CTNND2: variants seen among roughly 807,000 people sequenced by gnomAD.
The protein encoded by CTNND2 is catenin delta 2.
A neutral mutation model predicts 144.4 loss-of-function variants in CTNND2; 22 were observed. The observed-to-expected ratio is 0.15, with a 90% CI of 0.11 to 0.22. The LOEUF (loss-of-function observed/expected upper bound fraction) is 0.22. Among genes scored for constraint, CTNND2 ranks in the 10% least tolerant of loss-of-function variants. CTNND2 has a pLI of 1.00. For synonymous variants in CTNND2, 751 were observed against 695.6 expected (o/e 1.08, Z -1.25); for missense variants, 1,353 against 1,618.8 (o/e 0.84, Z 2.82).
chr5:11,100,681 T>A (rs1195734159), intron 14 of CTNND2, among the ~76,000 whole-genome samples: 1 of 152,140 alleles, frequency 6.6e-6, no homozygotes, highest in Admixed American at 6.5e-5. Flanking sequence ...TTATATCTTG[T>A]CTCCTTAAAA....
chr5:11,086,618 A>T (rs1750174639), intron 15 of CTNND2, among the ~76,000 whole-genome samples: 1 of 152,224 alleles, frequency 6.6e-6, no homozygotes. Context: ...AGATACTTGC[A>T]CACAAGTTTG....
chr5:11,710,413 G>A (rs1005043049), intron 2 of CTNND2, among the ~76,000 whole-genome samples: 13 of 151,898 alleles, frequency 8.6e-5, no homozygotes, highest in African/African-American at 1.2e-4. Context: ...GGTGGCGTGC[G>A]CCTGTAGTCC....
At chr5:11,018,084 A>G in intron 17 of CTNND2, 26 bp from the exon 18 acceptor site, 1 of 1,509,724 alleles carries the variant, frequency 6.6e-7, no homozygotes, top group Non-Finnish European at 9.2e-7. Context: ...CAGGAAAGGC[A>G]AGATGTGAGT....
intron 16 of CTNND2, among the ~76,000 whole-genome samples, chr5:11,026,658 A>G (rs191457942): frequency 3.9e-5 from 6 of 152,098 alleles, no homozygotes; most frequent in Non-Finnish European, 8.8e-5. Context: ...TGCACAGCTG[A>G]CTCTACCTTC....
intron 14 of CTNND2, 26 bp downstream of exon 14, chr5:11,110,832 A>T: frequency 6.2e-7 from 1 of 1,600,362 alleles, no homozygotes; most frequent in Non-Finnish European, 8.5e-7. Flanking sequence ...GGATAATTGC[A>T]TGCAGCTGCA....
chr5:11,235,888 C>T (rs1033978928), intron 10 of CTNND2, among the ~76,000 whole-genome samples: 1 of 152,186 alleles, frequency 6.6e-6, no homozygotes, highest in Admixed American at 6.5e-5. Flanking sequence ...TCTCTTTCCA[C>T]TCTTAAACTA....
intron 2 of CTNND2, among the ~76,000 whole-genome samples, chr5:11,646,101 TTTC>T (rs1782332719): frequency 6.6e-6 from 1 of 152,176 alleles, no homozygotes; most frequent in Admixed American, 6.5e-5. Context: ...TCTGTCCTTT[TTTC>T]TTCTTCTGCT....
chr5:11,540,074 CATTA>C (rs201112577), intron 3 of CTNND2, among the ~76,000 whole-genome samples: 8 of 152,048 alleles, frequency 5.3e-5, no homozygotes, highest in South Asian at 2.1e-4. Flanking sequence ...CGTATAAATA[CATTA>C]ATTAATTAAT....
intron 1 of CTNND2, among the ~76,000 whole-genome samples, chr5:11,819,465 CTTT>C (rs1264815372): frequency 6.6e-6 from 1 of 150,548 alleles, no homozygotes; most frequent in Non-Finnish European, 1.5e-5. Flanking sequence ...AGACAGACCT[CTTT>C]TTATTTTCTT....
intron 2 of CTNND2, among the ~76,000 whole-genome samples, chr5:11,638,942 T>C (rs1456558609): frequency 2.0e-5 from 3 of 152,142 alleles, no homozygotes; most frequent in African/African-American, 7.2e-5. Context: ...CCATGATCTG[T>C]GACAATTTAA....
At chr5:11,184,614 A>C (rs1735431678) in intron 11 of CTNND2, among the ~76,000 whole-genome samples, 1 of 152,182 alleles carries the variant, frequency 6.6e-6, no homozygotes, top group Non-Finnish European at 1.5e-5. Flanking sequence ...TTGCCTGAAA[A>C]TATGTCCTAA....
At chr5:11,418,211 A>C (rs948347549) in intron 3 of CTNND2, among the ~76,000 whole-genome samples, 1 of 152,076 alleles carries the variant, frequency 6.6e-6, no homozygotes, top group East Asian at 1.9e-4. Context: ...GTTCGAGGCC[A>C]GCCTTACCAT....
chr5:11,872,725 G>A (rs1162153488), intron 1 of CTNND2, among the ~76,000 whole-genome samples: 1 of 151,954 alleles, frequency 6.6e-6, no homozygotes, highest in Non-Finnish European at 1.5e-5. Context: ...TTTTTGATGG[G>A]GTTGTTTTTT....
At chr5:11,667,538 A>G (rs947094230) in intron 2 of CTNND2, among the ~76,000 whole-genome samples, 16 of 152,036 alleles carry the variant, frequency 1.1e-4, no homozygotes, top group African/African-American at 3.1e-4. Context: ...ATTTTTTCAT[A>G]TGTCTGTTGG....
intron 2 of CTNND2, among the ~76,000 whole-genome samples, chr5:11,657,945 A>G (rs1359196271): frequency 6.6e-6 from 1 of 152,156 alleles, no homozygotes; most frequent in Non-Finnish European, 1.5e-5. Flanking sequence ...TCTTAACTTT[A>G]TGACTTTTGT....
At chr5:11,582,607 T>C (rs1225486248) in intron 2 of CTNND2, among the ~76,000 whole-genome samples, 2 of 152,166 alleles carry the variant, frequency 1.3e-5, no homozygotes, top group African/African-American at 4.8e-5. Context: ...CTTTCAAAAA[T>C]TGTGACTATC....
At chr5:11,238,090 A>C (rs1042338478) in intron 9 of CTNND2, among the ~76,000 whole-genome samples, 7 of 152,198 alleles carry the variant, frequency 4.6e-5, no homozygotes, top group African/African-American at 1.7e-4. Flanking sequence ...GTCCATTCTA[A>C]AACATTATCT....
intron 13 of CTNND2, among the ~76,000 whole-genome samples, chr5:11,112,228 A>G (rs1753068732): frequency 6.6e-6 from 1 of 152,142 alleles, no homozygotes; most frequent in Non-Finnish European, 1.5e-5. Flanking sequence ...TAAGCTAATC[A>G]GCTGCTTGTC....
chr5:11,328,321 C>T (rs1752742880), intron 9 of CTNND2, among the ~76,000 whole-genome samples: 1 of 145,106 alleles, frequency 6.9e-6, no homozygotes, highest in Non-Finnish European at 1.5e-5. Context: ...AAGACAGTAT[C>T]TCATTCTGTT....
Sources: gnomAD v4.1 joint callset for allele counts (sites outside exome capture counted in the v4.1 genomes callset) on GRCh38, gnomAD v4.1.1 for gene constraint, MANE v1.5 for transcripts, NCBI Gene and HGNC (gene_info 2026-07-23, HGNC 2026-07-21) for gene names.